Variants in TDRP observed in about 807,000 individuals in gnomAD.
TDRP encodes testis development-related protein.
In TDRP, 12 loss-of-function variants were observed where a neutral mutation model predicts 10.5. The observed-to-expected ratio is 1.15, with a 90% CI of 0.73 to 1.86. The LOEUF (loss-of-function observed/expected upper bound fraction) is 1.86. Among genes scored for constraint, TDRP ranks in the 40% most tolerant of loss-of-function variants. The pLI is 0.00. For synonymous variants in TDRP, 139 were observed against 95.4 expected, an observed-to-expected ratio of 1.46 and a Z score of -2.67; for missense variants, 353 against 229.2, an observed-to-expected ratio of 1.54 and a Z score of -3.49.
chr8:525,152 G>C (rs1584875658), intron 1 of TDRP, among the ~76,000 whole-genome samples: 1 of 152,164 alleles, frequency 6.6e-6, no homozygotes, highest in South Asian at 2.1e-4. Flanking sequence ...GGTCAAGAGA[G>C]ACAGCGGCAT....
chr8:492,872 G>A (rs1375091620), intron 2 of TDRP, 128 bp from the exon 3 acceptor site: 3 of 750,882 alleles, frequency 4.0e-6, no homozygotes, highest in Admixed American at 3.4e-5. Flanking sequence ...AAGTCTATAT[G>A]AAAAGTTTCA....
At chr8:494,190 T>G (rs1801065127) in intron 2 of TDRP, among the ~76,000 whole-genome samples, 1 of 151,964 alleles carries the variant, frequency 6.6e-6, no homozygotes, top group South Asian at 2.1e-4. Context: ...CTTGAACTCC[T>G]GACCTTGTGA....
chr8:492,614 C>A lies in TDRP; in HGVS notation c.343G>T (p.Ala115Ser), dbSNP rs201068688. 1 of 1,614,004 alleles carries A rather than the reference C, an allele frequency of 6.2e-7. No homozygotes were observed. Among genetic ancestry groups the A allele is most frequent in the South Asian group, 1.1e-5 (1 of 91,080 alleles). The change falls in exon 3 of 3, where the codon GCT becomes TCT. Residue 115 changes from alanine to serine, a missense_variant. Coordinates refer to ENST00000324079, the MANE Select transcript of TDRP (RefSeq NM_001384899.1). ...EIEGWEPPKLALEDISADPED... is the reference protein window; with the variant it reads ...EIEGWEPPKLSLEDISADPED... ...GGGTCAGCCGATATGTCTTCAAGAG[C>A]AAGTTTTGGAGGCTCCCAACCTTCA...
Position 491,716 on chromosome 8 carries a change from C to A in TDRP, c.*683G>T. 1.4e-6 allele frequency: 2 copies of A among 1,475,452 alleles called. No homozygotes were observed. Among genetic ancestry groups the A allele is most frequent in the Non-Finnish European group, 1.8e-6 (2 of 1,124,656 alleles). 91.4% of individuals were successfully genotyped at this position (1,475,452 alleles called of 1,614,324 possible). On this transcript the variant is annotated 3_prime_UTR_variant, in exon 3 of 3. Transcript: ENST00000324079. ...AAATGTTTTAAGAAAATAAAGGGAC[C>A]GATTTAGAAGTTCAAAAGAGGTAAA...
intron 1 of TDRP, among the ~76,000 whole-genome samples, chr8:525,590 G>A (rs897207557): frequency 3.9e-5 from 6 of 152,172 alleles, no homozygotes; most frequent in African/African-American, 7.2e-5. Flanking sequence ...GTTTTTGCTC[G>A]TTTTTTAATG....
Position 490,225 on chromosome 8 carries a change from T to TA in TDRP, c.*2173dup, listed in dbSNP as rs1198066980. 6.6e-6 allele frequency: 1 copy of TA among 152,212 alleles called. No individual in the cohort carries two copies. Among genetic ancestry groups the TA allele is most frequent in the Non-Finnish European group, 1.5e-5 (1 of 68,038 alleles). The allele number at this position is 152,212 out of a possible 1,614,324, so 9.4% of individuals were successfully genotyped here. A position where few individuals can be genotyped will look rare whatever the true frequency, so the allele number is the denominator to read the frequency against. On this transcript the variant is annotated 3_prime_UTR_variant, in exon 3 of 3. Transcript: ENST00000324079. ...AAAGCACACCAATAAATATTTATATTAAAAACCACAGTTAATTTAATCAGG... is the reference window on the plus strand; with the variant it reads ...AAAGCACACCAATAAATATTTATATTAAAAAACCACAGTTAATTTAATCAGG...
chr8:510,294 T>TA (rs1307019987), intron 1 of TDRP, among the ~76,000 whole-genome samples: 1 of 152,112 alleles, frequency 6.6e-6, no homozygotes, highest in African/African-American at 2.4e-5. Flanking sequence ...GTCTTTCTGG[T>TA]AACCACCCCC....
At chr8:543,488 A>G (rs1438163386) in intron 1 of TDRP, among the ~76,000 whole-genome samples, 1 of 152,128 alleles carries the variant, frequency 6.6e-6, no homozygotes, top group Non-Finnish European at 1.5e-5. Flanking sequence ...CTCTGTAGCC[A>G]CATATAAATT....
At position 521,246 on chromosome 8, in the gene TDRP, C is replaced by CAAA. The variant is rs57263869; in HGVS notation, c.108+23401_108+23403dup. ...TCAAACCCCGTCTCTACTAAAAATC[C>CAAA]AAAAAAAAAAAAAAAAAAAAAATAG... On this transcript the variant is annotated intron_variant, in intron 1 of 2. Coordinates refer to ENST00000324079, the MANE Select transcript of TDRP (RefSeq NM_001384899.1). Among the ~76,000 whole-genome samples, 451 of 84,470 alleles carry CAAA rather than the reference C, an allele frequency of 5.3e-3. 23 individuals are homozygous for CAAA. Among genetic ancestry groups the CAAA allele is most frequent in the African/African-American group, 0.013 (268 of 21,252 alleles). The allele number at this position is 84,470 out of a possible 152,430, so 55.4% of individuals were successfully genotyped here.
intron 1 of TDRP, among the ~76,000 whole-genome samples, chr8:525,237 G>C (rs945215646): frequency 1.3e-5 from 2 of 152,088 alleles, no homozygotes; most frequent in African/African-American, 4.8e-5. Context: ...AAGCATGAAG[G>C]AGAAAGATCT....
chr8:512,871 C>A (rs1302202606), intron 1 of TDRP, among the ~76,000 whole-genome samples: 1 of 151,854 alleles, frequency 6.6e-6, no homozygotes, highest in Non-Finnish European at 1.5e-5. Flanking sequence ...ACTCAGGAGG[C>A]TGAGGTGGGA....
intron 1 of TDRP, among the ~76,000 whole-genome samples, chr8:515,560 G>A (rs1028255191): frequency 6.6e-6 from 1 of 152,060 alleles, no homozygotes; most frequent in Non-Finnish European, 1.5e-5. Flanking sequence ...TTTGAATTTT[G>A]GAGCATTTCA....
chr8:530,658 G>C (rs914821168), intron 1 of TDRP, among the ~76,000 whole-genome samples: 2 of 152,132 alleles, frequency 1.3e-5, no homozygotes, highest in African/African-American at 4.8e-5. Flanking sequence ...TCTGGTGCTT[G>C]TCTGTGGCAC....
At chr8:504,915 T>C (rs574105358) in intron 1 of TDRP, among the ~76,000 whole-genome samples, 2 of 152,252 alleles carry the variant, frequency 1.3e-5, no homozygotes, top group South Asian at 2.1e-4. Flanking sequence ...CTTCTACCTA[T>C]GTCCTTTTTA....
At chr8:542,602 C>T (rs1447347741) in intron 1 of TDRP, among the ~76,000 whole-genome samples, 1 of 152,114 alleles carries the variant, frequency 6.6e-6, no homozygotes, top group Non-Finnish European at 1.5e-5. Flanking sequence ...CGGTGGCTCA[C>T]GCCTGTAATC....
intron 1 of TDRP, among the ~76,000 whole-genome samples, chr8:539,722 G>C (rs921079361): frequency 2.0e-5 from 3 of 152,188 alleles, no homozygotes; most frequent in African/African-American, 7.2e-5. Flanking sequence ...CAGAACATCA[G>C]GCCTTTTCTG....
In TDRP at chr8:544,748, G is replaced by T; in HGVS notation, c.10C>A (p.Leu4Met). 8.1e-7 allele frequency: 1 copy of T among 1,239,216 alleles called. No individual in the cohort carries two copies. The allele number at this position is 1,239,216 out of a possible 1,614,324, so 76.8% of individuals were successfully genotyped here. A position where few individuals can be genotyped will look rare whatever the true frequency, so the allele number is the denominator to read the frequency against. The change falls in exon 1 of 3, where the codon CTG becomes ATG. Residue 4 changes from leucine (L) to methionine (M), a missense_variant. Leu to Met is a conservative substitution (Grantham distance 15, BLOSUM62 2). Transcript: ENST00000324079. ...TCCAGCAGCACTCGGCCCCGGCCCA[G>T]CTTCCACATGGTCAGGCGGGCTCCG... The part of the protein sequence containing the change: MWK[L>M]GRGRVLLDEP...
intron 2 of TDRP, among the ~76,000 whole-genome samples, chr8:493,326 G>A (rs1265290634): frequency 1.3e-5 from 2 of 152,226 alleles, no homozygotes; most frequent in Non-Finnish European, 2.9e-5. Flanking sequence ...AAGAACACCA[G>A]TGCCCAGGCC....
upstream of TDRP, chr8:544,906 C>A: frequency 2.2e-6 from 1 of 447,268 alleles, no homozygotes; most frequent in Non-Finnish European, 3.6e-6. Context: ...ACCCCCAGAA[C>A]TAGGCCCGCC....
Sources: allele counts gnomAD v4.1 joint callset (sites outside exome capture counted in the v4.1 genomes callset), GRCh38; gene constraint gnomAD v4.1.1; transcripts MANE v1.5; gene names NCBI Gene and HGNC (gene_info 2026-07-23, HGNC 2026-07-21).